RERE: variants seen among roughly 807,000 people sequenced by gnomAD.
RERE encodes arginine-glutamic acid dipeptide repeats, also known as arginine-glutamic acid dipeptide repeats protein.
RERE carries 40 observed loss-of-function variants against 146.1 expected under a neutral mutation model. The ratio of observed to expected loss-of-function variants is 0.27; its 90% CI spans 0.21 to 0.36. The LOEUF (loss-of-function observed/expected upper bound fraction) is 0.36, where lower values mean the gene tolerates loss of function less well. Among genes scored for constraint, RERE ranks in the 10% least tolerant of loss-of-function variants. The pLI, the probability that RERE is intolerant of heterozygous loss-of-function variation, is 1.00. For synonymous variants in RERE, 1,003 were observed against 866.0 expected, an observed-to-expected ratio of 1.16 and a Z score of -2.78; for missense variants, 1,933 against 2,138.7, an observed-to-expected ratio of 0.90 and a Z score of 1.90.
In RERE at chr1:8,541,291, A is replaced by T. The variant is rs1645797347; in HGVS notation, c.753T>A (p.Ser251=). 3 of 1,610,320 alleles carry T rather than the reference A, an allele frequency of 1.9e-6. No homozygotes were observed. In the South Asian group the frequency reaches 3.3e-5, roughly 18 times the overall value. The stretch of plus-strand genomic sequence containing the variant: ...TAAACTCTCTAGCAGCAAATATGTC[A>T]GAAAAATGGGAGATGTTACACTTCC... ...LRGKCNISHF[S]DIFAAREFKA... is the part of the protein sequence containing the mutation. The change falls in exon 7 of 23, where the codon TCT becomes TCA. Residue 251 remains serine, a synonymous_variant. Coordinates refer to ENST00000400908, the MANE Select transcript of RERE (RefSeq NM_001042681.2).
intron 12 of RERE, among the ~76,000 whole-genome samples, chr1:8,396,760 A>C (rs185906654): frequency 6.2e-4 from 94 of 152,324 alleles, no homozygotes; most frequent in Admixed American, 4.4e-3. Context: ...CTCAGATCTA[A>C]TTCCAAAACG....
intron 1 of RERE, among the ~76,000 whole-genome samples, chr1:8,781,216 C>T (rs1439074960): frequency 6.6e-6 from 1 of 150,902 alleles, no homozygotes; most frequent in Non-Finnish European, 1.5e-5. Flanking sequence ...ATTAGCTGGG[C>T]ATGGTGGCAC....
chr1:8,796,252 GA>G (rs1295023572), intron 1 of RERE, among the ~76,000 whole-genome samples: 2 of 152,094 alleles, frequency 1.3e-5, no homozygotes, highest in Admixed American at 6.6e-5. Flanking sequence ...TCTAAGCCAG[GA>G]AATAGCCTTC....
At chr1:8,787,367 TTGTC>T (rs1241289355) in intron 1 of RERE, among the ~76,000 whole-genome samples, 1 of 152,194 alleles carries the variant, frequency 6.6e-6, no homozygotes, top group Non-Finnish European at 1.5e-5. Flanking sequence ...GTCTCTCTCT[TTGTC>T]TGAGTATCAT....
intron 11 of RERE, among the ~76,000 whole-genome samples, chr1:8,442,733 G>C (rs1053406458): frequency 6.6e-6 from 1 of 152,224 alleles, no homozygotes; most frequent in African/African-American, 2.4e-5. Context: ...TGTTAGAAGA[G>C]TTTGCAGGGC....
At chr1:8,569,659 A>G (rs1646195646) in intron 4 of RERE, among the ~76,000 whole-genome samples, 1 of 152,218 alleles carries the variant, frequency 6.6e-6, no homozygotes, top group South Asian at 2.1e-4. Flanking sequence ...TGGAAGGCAG[A>G]GGCATGAAGA....
intron 11 of RERE, among the ~76,000 whole-genome samples, chr1:8,428,807 A>T (rs993409047): frequency 9.9e-5 from 15 of 152,220 alleles, no homozygotes; most frequent in Non-Finnish European, 2.2e-4. Context: ...CAATAACATA[A>T]AAATAAAAAT....
intron 4 of RERE, among the ~76,000 whole-genome samples, chr1:8,614,021 A>G (rs978400451): frequency 3.9e-5 from 6 of 152,202 alleles, no homozygotes; most frequent in African/African-American, 1.2e-4. Context: ...TAACAGAGGA[A>G]TAACCAAGGG....
At chr1:8,746,964 C>G (rs867072235) in intron 1 of RERE, among the ~76,000 whole-genome samples, 3 of 150,808 alleles carry the variant, frequency 2.0e-5, no homozygotes, top group African/African-American at 7.3e-5. Context: ...TGTGAAAGGT[C>G]AAGCTATTGC....
chr1:8,557,669 A>C (rs1049841348), intron 4 of RERE, 146 bp from the exon 5 acceptor site: 11 of 650,424 alleles, frequency 1.7e-5, no homozygotes, highest in Non-Finnish European at 2.7e-5. Context: ...ACAATACATA[A>C]GTCAGTTATG....
chr1:8,557,769 C>A (rs1034886562), intron 4 of RERE, among the ~76,000 whole-genome samples: 1 of 152,156 alleles, frequency 6.6e-6, no homozygotes, highest in Non-Finnish European at 1.5e-5. Context: ...CAAAAGGAGA[C>A]CAGTCTTGAA....
At chr1:8,716,631 T>C (rs1319776704) in intron 1 of RERE, among the ~76,000 whole-genome samples, 1 of 151,744 alleles carries the variant, frequency 6.6e-6, no homozygotes, top group African/African-American at 2.4e-5. Context: ...AAATAAACAG[T>C]ACACCACCAC....
chr1:8,355,637 C>T, intron 21 of RERE, 38 bp from the exon 22 acceptor site: 1 of 1,529,988 alleles, frequency 6.5e-7, no homozygotes, highest in South Asian at 1.3e-5. Context: ...CAGAAATAGC[C>T]AGAGGACTGG....
intron 1 of RERE, among the ~76,000 whole-genome samples, chr1:8,670,905 G>A (rs1202424710): frequency 5.9e-5 from 9 of 152,202 alleles, no homozygotes; most frequent in Admixed American, 3.9e-4. Flanking sequence ...AGGCAAGGTC[G>A]TAGCAGTGAA....
intron 12 of RERE, among the ~76,000 whole-genome samples, chr1:8,402,473 A>G (rs547249189): frequency 1.3e-5 from 2 of 152,334 alleles, no homozygotes; most frequent in South Asian, 2.1e-4. Context: ...ATCCATAAAC[A>G]GAACAAAAAG....
At chr1:8,600,177 C>A (rs1185050589) in intron 4 of RERE, among the ~76,000 whole-genome samples, 2 of 152,158 alleles carry the variant, frequency 1.3e-5, no homozygotes, top group Non-Finnish European at 2.9e-5. Context: ...TCTCCTTTGC[C>A]TTCCACCATG....
Position 8,655,092 on chromosome 1 carries a change from T to C in RERE, c.325+881A>G, listed in dbSNP as rs571176167. On this transcript the variant is annotated intron_variant, in intron 2 of 22. Transcript: ENST00000400908. Reference sequence around the variant, plus strand: ...AATATACTGGTGTGACCATAATACATTTTCTGGAAAACCAAGCAGGTTAGA... The same window carrying C: ...AATATACTGGTGTGACCATAATACACTTTCTGGAAAACCAAGCAGGTTAGA... Among the ~76,000 whole-genome samples the C allele has an allele frequency of 2.0e-5, 3 of 152,316 alleles. No homozygotes were observed. In the South Asian group the frequency reaches 6.2e-4, roughly 32 times the overall value.
intron 1 of RERE, among the ~76,000 whole-genome samples, chr1:8,728,625 C>G (rs549141887): frequency 2.6e-5 from 4 of 152,200 alleles, no homozygotes; most frequent in African/African-American, 9.6e-5. Context: ...ACGGAATTTT[C>G]TCTAGGCACC....
chr1:8,456,903 T>C (rs947636939), intron 11 of RERE, among the ~76,000 whole-genome samples: 16 of 152,218 alleles, frequency 1.1e-4, no homozygotes, highest in African/African-American at 3.9e-4. Context: ...CCTATCACTT[T>C]CCTGCTTTTA....
Sources: allele counts gnomAD v4.1 joint callset (sites outside exome capture counted in the v4.1 genomes callset), GRCh38; gene constraint gnomAD v4.1.1; transcripts MANE v1.5; gene names NCBI Gene and HGNC (gene_info 2026-07-23, HGNC 2026-07-21).